The following VPS13B variants were observed in gnomAD, a reference collection of about 807,000 sequenced individuals.
VPS13B encodes the protein intermembrane lipid transfer protein VPS13B.
VPS13B carries 285 observed loss-of-function variants against 426.4 expected under a neutral mutation model. The ratio of observed to expected loss-of-function variants is 0.67; its 90% CI spans 0.61 to 0.74. The LOEUF is 0.74. VPS13B is among the 30% of genes least tolerant of loss of function. VPS13B has a pLI of 0.00. For missense variants in VPS13B, 4,537 were observed against 4,782.6 expected (o/e 0.95, Z 1.51); for synonymous variants, 1,676 against 1,676.4 (o/e 1.00, Z 0.01).
intron 17 of VPS13B, chr8:99,241,240 A>G (rs1417940525): frequency 6.6e-6 from 1 of 152,232 alleles, no homozygotes; most frequent in East Asian, 1.9e-4. Flanking sequence ...CTGCTATTAA[A>G]AATATGAACT....
At chr8:99,645,916 T>C (rs917711820) in intron 34 of VPS13B, among the ~76,000 whole-genome samples, 1 of 152,152 alleles carries the variant, frequency 6.6e-6, no homozygotes, top group Non-Finnish European at 1.5e-5. Flanking sequence ...TGGTGTTTTC[T>C]GGAAGCCCCA....
chr8:99,695,801 T>C (rs1831956690), intron 35 of VPS13B, among the ~76,000 whole-genome samples: 1 of 151,210 alleles, frequency 6.6e-6, no homozygotes, highest in African/African-American at 2.4e-5. Context: ...TGAGAGAGCC[T>C]GGGTATCCAG....
intron 43 of VPS13B, among the ~76,000 whole-genome samples, chr8:99,806,887 C>T (rs556786192): frequency 3.9e-5 from 6 of 152,230 alleles, no homozygotes; most frequent in African/African-American, 9.6e-5. Context: ...AATCCAGTGC[C>T]GCGGGTTCCC....
At chr8:99,667,846 A>C (rs956546119) in intron 35 of VPS13B, among the ~76,000 whole-genome samples, 1 of 152,154 alleles carries the variant, frequency 6.6e-6, no homozygotes, top group African/African-American at 2.4e-5. Context: ...AGATTTTGGC[A>C]ACTCAAGGAA....
At chr8:99,335,096 G>A (rs898271537) in intron 19 of VPS13B, among the ~76,000 whole-genome samples, 2 of 152,206 alleles carry the variant, frequency 1.3e-5, no homozygotes, top group Non-Finnish European at 2.9e-5. Context: ...GAGGGTGCAT[G>A]TGTTGAGGAA....
At chr8:99,502,815 A>C (rs751353130) in intron 26 of VPS13B, 21 bp from the exon 27 acceptor site, 1 of 1,516,130 alleles carries the variant, frequency 6.6e-7, no homozygotes. Context: ...TGTTGATATT[A>C]CTGCTTGTTT....
At chr8:99,871,307 CA>C in intron 60 of VPS13B, 140 bp from the exon 61 acceptor site, 2 of 1,276,844 alleles carry the variant, frequency 1.6e-6, no homozygotes, top group Non-Finnish European at 2.2e-6. Context: ...CTGACAATTA[CA>C]TTTCAAGCTA....
intron 33 of VPS13B, among the ~76,000 whole-genome samples, chr8:99,606,068 G>C (rs1310277481): frequency 6.6e-6 from 1 of 151,768 alleles, no homozygotes; most frequent in Non-Finnish European, 1.5e-5. Flanking sequence ...GCTAATTTTT[G>C]TATTATTTTT....
chr8:99,083,046 C>G (rs932876671), intron 3 of VPS13B, among the ~76,000 whole-genome samples: 1 of 152,112 alleles, frequency 6.6e-6, no homozygotes, highest in Admixed American at 6.6e-5. Flanking sequence ...TATAAATTAC[C>G]TTGGGCAGTA....
chr8:99,812,568 G>A (rs1379004752), intron 44 of VPS13B, among the ~76,000 whole-genome samples: 1 of 152,138 alleles, frequency 6.6e-6, no homozygotes, highest in African/African-American at 2.4e-5. Context: ...TCTGTGCTCT[G>A]CATTTCTTAT....
intron 9 of VPS13B, 59 bp from the exon 10 acceptor site, chr8:99,134,956 G>T (rs1809997673): frequency 4.4e-6 from 7 of 1,592,360 alleles, no homozygotes; most frequent in Non-Finnish European, 6.0e-6. Context: ...TACAAGGAAA[G>T]CCTCTAACAT....
In VPS13B at chr8:99,391,567, T is replaced by C; in HGVS notation, c.2945T>C (p.Val982Ala). ...TSRHMQQQPVVAVPLVMPVCR... is the reference protein window; with the variant it reads ...TSRHMQQQPVAAVPLVMPVCR... ...TTTGTCTCTTTCCAGCAGCCTGTGG[T>C]AGCTGTTCCTCTTGTTATGCCAGTT... The change falls in exon 21 of 62, where the codon GTA (valine) becomes GCA (alanine). Residue 982 changes from valine to alanine, a missense_variant. By Grantham distance (64) the Val-to-Ala change is moderately conservative (BLOSUM62 0). This residue lies in a region of VPS13B where 4,311 missense variants were observed against 4,474.3 expected (regional missense o/e 0.96). Transcript: ENST00000357162. The C allele has an allele frequency of 6.2e-7, 1 of 1,614,186 alleles. No homozygotes were observed. The highest frequency in any genetic ancestry group is 2.2e-5 in the East Asian group (1 of 44,872).
intron 19 of VPS13B, among the ~76,000 whole-genome samples, chr8:99,287,232 G>A (rs62532658): frequency 2.9e-4 from 41 of 139,138 alleles, no homozygotes; most frequent in Middle Eastern, 7.5e-3. Context: ...CTATCTGTCT[G>A]TCTATCTATC....
rs1292075117 is a variant in VPS13B at position 99,138,412 on chromosome 8, C to G, written c.1651+1660C>G. ...AAAGTGCTGGGATTATAGGCGTGAGCCACCGCACTCAGCCAGGTTCTAAAG... is the reference window on the plus strand; with the variant it reads ...AAAGTGCTGGGATTATAGGCGTGAGGCACCGCACTCAGCCAGGTTCTAAAG... On this transcript the variant is annotated intron_variant, in intron 12 of 61. Coordinates refer to ENST00000357162, the MANE Select transcript of VPS13B (RefSeq NM_152564.5). 4.6e-5 allele frequency among the ~76,000 whole-genome samples: 7 copies of G among 152,334 alleles called. No individual in the cohort carries two copies. The East Asian group carries it at 1.2e-3, about 25-fold the overall frequency.
At chr8:99,088,894 A>G (rs973057832) in intron 3 of VPS13B, among the ~76,000 whole-genome samples, 2 of 152,102 alleles carry the variant, frequency 1.3e-5, no homozygotes, top group Non-Finnish European at 2.9e-5. Flanking sequence ...TGCCTTGTTC[A>G]ACTTTTCCTT....
intron 19 of VPS13B, among the ~76,000 whole-genome samples, chr8:99,357,756 A>C (rs1444026121): frequency 6.6e-6 from 1 of 152,190 alleles, no homozygotes; most frequent in East Asian, 1.9e-4. Flanking sequence ...TGTAATAAGA[A>C]GATCTTTTAG....
chr8:99,312,859 G>T (rs1049491391), intron 19 of VPS13B, among the ~76,000 whole-genome samples: 7 of 152,154 alleles, frequency 4.6e-5, no homozygotes, highest in Non-Finnish European at 8.8e-5. Context: ...TGGAGGCTTT[G>T]TTCATTTCTT....
chr8:99,210,031 C>T (rs1026601277), intron 17 of VPS13B, among the ~76,000 whole-genome samples: 3 of 151,974 alleles, frequency 2.0e-5, no homozygotes, highest in African/African-American at 7.3e-5. Flanking sequence ...CATAATTACT[C>T]ATTTTTCTTT....
At chr8:99,599,201 T>C (rs1170020955) in intron 33 of VPS13B, among the ~76,000 whole-genome samples, 1 of 152,050 alleles carries the variant, frequency 6.6e-6, no homozygotes. Context: ...CATCTCCATC[T>C]CAGTCAGCCC....
Sources: gnomAD v4.1 joint callset for allele counts (sites outside exome capture counted in the v4.1 genomes callset) on GRCh38, gnomAD v4.1.1 for gene constraint, gnomAD v4.1.1 regional missense constraint, MANE v1.5 for transcripts, NCBI Gene and HGNC (gene_info 2026-07-23, HGNC 2026-07-21) for gene names.